The following EYA4 variants were observed in gnomAD, a reference collection of about 807,000 sequenced individuals.
The protein encoded by EYA4 is EYA transcriptional coactivator and phosphatase 4, also known as protein phosphatase EYA4.
A neutral mutation model predicts 87.9 loss-of-function variants in EYA4; 31 were observed. The observed-to-expected ratio is 0.35, with a 90% CI of 0.27 to 0.48. EYA4 has a LOEUF of 0.48. Among genes scored for constraint, EYA4 ranks in the 20% least tolerant of loss-of-function variants. The pLI is 0.99. For missense variants in EYA4, 678 were observed against 761.4 expected (o/e 0.89, Z 1.29); for synonymous variants, 263 against 270.6 (o/e 0.97, Z 0.28).
At chr6:133,383,733 A>G (rs1786457556) in intron 3 of EYA4, among the ~76,000 whole-genome samples, 3 of 152,164 alleles carry the variant, frequency 2.0e-5, no homozygotes, top group African/African-American at 7.2e-5. Flanking sequence ...ATGATATGAT[A>G]TCAGATTTTT....
At chr6:133,495,339 ATAC>A (rs1409011635) in intron 13 of EYA4, among the ~76,000 whole-genome samples, 1 of 150,094 alleles carries the variant, frequency 6.7e-6, no homozygotes, top group African/African-American at 2.4e-5. Flanking sequence ...AAAATAAAAA[ATAC>A]TACAGAGATA....
chr6:133,310,718 T>G (rs1490912850), intron 2 of EYA4, among the ~76,000 whole-genome samples: 3 of 152,152 alleles, frequency 2.0e-5, no homozygotes, highest in Non-Finnish European at 2.9e-5. Flanking sequence ...GAAAAGAAAT[T>G]TGTAGCATTG....
chr6:133,289,950 A>G (rs1239266462), intron 2 of EYA4, among the ~76,000 whole-genome samples: 1 of 152,186 alleles, frequency 6.6e-6, no homozygotes, highest in Non-Finnish European at 1.5e-5. Context: ...TGAAAGGGCA[A>G]ACACTCCCTA....
intron 2 of EYA4, among the ~76,000 whole-genome samples, chr6:133,284,996 T>TG (rs982951642): frequency 7.5e-4 from 114 of 151,306 alleles, no homozygotes; most frequent in East Asian, 2.7e-3. Context: ...TTGTTTTTTT[T>TG]TTTGTTTGTT....
chr6:133,434,570 G>A (rs1791481857), intron 3 of EYA4, among the ~76,000 whole-genome samples: 1 of 152,118 alleles, frequency 6.6e-6, no homozygotes, highest in African/African-American at 2.4e-5. Flanking sequence ...GGTAAATGAG[G>A]CAGAGTTTAA....
At chr6:133,313,386 A>G (rs1780383866) in intron 2 of EYA4, among the ~76,000 whole-genome samples, 1 of 152,212 alleles carries the variant, frequency 6.6e-6, no homozygotes, top group South Asian at 2.1e-4. Flanking sequence ...ATCTAGCCAC[A>G]TGAAGTGATT....
intron 2 of EYA4, among the ~76,000 whole-genome samples, chr6:133,342,853 T>A (rs956579884): frequency 2.0e-5 from 3 of 152,212 alleles, no homozygotes; most frequent in South Asian, 4.1e-4. Flanking sequence ...TGCAATATTT[T>A]AAAAATATGG....
chr6:133,344,121 T>C (rs1314170408), intron 2 of EYA4, among the ~76,000 whole-genome samples: 1 of 152,132 alleles, frequency 6.6e-6, no homozygotes, highest in Non-Finnish European at 1.5e-5. Context: ...AGAGCATTTA[T>C]AGGAGAAAGG....
At chr6:133,455,097 G>A (rs1793789428) in intron 5 of EYA4, among the ~76,000 whole-genome samples, 3 of 152,130 alleles carry the variant, frequency 2.0e-5, no homozygotes, top group Admixed American at 1.3e-4. Context: ...CATCTAGCAC[G>A]TAGCAAGCTC....
intron 2 of EYA4, among the ~76,000 whole-genome samples, chr6:133,374,090 C>T (rs575352557): frequency 1.5e-3 from 232 of 152,076 alleles, no homozygotes; most frequent in Non-Finnish European, 2.6e-3. Flanking sequence ...AAGGAGAAAA[C>T]GTGCTTTGGC....
intron 3 of EYA4, among the ~76,000 whole-genome samples, chr6:133,396,995 C>T (rs1295308023): frequency 6.6e-6 from 1 of 152,176 alleles, no homozygotes; most frequent in Non-Finnish European, 1.5e-5. Flanking sequence ...AAATTCACAT[C>T]TCATGGACTT....
chr6:133,387,430 A>G (rs1013614390), intron 3 of EYA4, among the ~76,000 whole-genome samples: 1 of 152,218 alleles, frequency 6.6e-6, no homozygotes, highest in African/African-American at 2.4e-5. Context: ...ACCAAAAATC[A>G]TTACTGCCAG....
intron 11 of EYA4, among the ~76,000 whole-genome samples, chr6:133,480,014 G>A (rs1796069777): frequency 1.3e-5 from 2 of 152,202 alleles, no homozygotes; most frequent in South Asian, 2.1e-4. Flanking sequence ...AACTTAGGAT[G>A]TGGCCTAGTT....
At chr6:133,273,116 T>A (rs1488139499) in intron 1 of EYA4, among the ~76,000 whole-genome samples, 2 of 147,238 alleles carry the variant, frequency 1.4e-5, no homozygotes, top group African/African-American at 5.1e-5. Flanking sequence ...TATATATATA[T>A]AAAGGGAAGT....
At chr6:133,314,989 A>G (rs1780512721) in intron 2 of EYA4, among the ~76,000 whole-genome samples, 1 of 152,094 alleles carries the variant, frequency 6.6e-6, no homozygotes, top group Non-Finnish European at 1.5e-5. Flanking sequence ...TTTTCAATAC[A>G]ACTTTAAGAG....
At chr6:133,339,595 G>T (rs1241593004) in intron 2 of EYA4, among the ~76,000 whole-genome samples, 2 of 152,164 alleles carry the variant, frequency 1.3e-5, no homozygotes, top group Non-Finnish European at 2.9e-5. Flanking sequence ...GAAAAATTAG[G>T]CTCTGAAAGG....
chr6:133,509,034 G>C (rs187244136), intron 14 of EYA4, among the ~76,000 whole-genome samples: 1 of 152,024 alleles, frequency 6.6e-6, no homozygotes, highest in Non-Finnish European at 1.5e-5. Context: ...CTGTATATGC[G>C]TGCCACACAA....
At chr6:133,339,245 A>G (rs1782607996) in intron 2 of EYA4, among the ~76,000 whole-genome samples, 1 of 152,198 alleles carries the variant, frequency 6.6e-6, no homozygotes, top group East Asian at 1.9e-4. Context: ...CCCCAGGCCC[A>G]TTTGGTTAGC....
chr6:133,334,576 C>T (rs1782224552), intron 2 of EYA4, among the ~76,000 whole-genome samples: 1 of 152,116 alleles, frequency 6.6e-6, no homozygotes, highest in Admixed American at 6.6e-5. Flanking sequence ...GTCACCAGGG[C>T]TGAACATTTT....
Sources: allele counts gnomAD v4.1 joint callset (sites outside exome capture counted in the v4.1 genomes callset), GRCh38; gene constraint gnomAD v4.1.1; transcripts MANE v1.5; gene names NCBI Gene and HGNC (gene_info 2026-07-23, HGNC 2026-07-21).